DGKB: variants seen among roughly 807,000 people sequenced by gnomAD.
DGKB encodes the protein 90 kDa diacylglycerol kinase.
Under a neutral mutation model 114.3 loss-of-function variants are expected in DGKB, and 67 were observed. The observed-to-expected ratio is 0.59, with a 90% CI of 0.48 to 0.72. DGKB has a LOEUF of 0.72. DGKB is among the 30% of genes least tolerant of loss of function. The pLI is 0.00. For missense variants in DGKB, 907 were observed against 975.2 expected, an observed-to-expected ratio of 0.93 and a Z score of 0.93; for synonymous variants, 398 against 323.1, an observed-to-expected ratio of 1.23 and a Z score of -2.49.
chr7:14,368,789 A>G (rs1248914316), intron 21 of DGKB, among the ~76,000 whole-genome samples: 1 of 152,126 alleles, frequency 6.6e-6, no homozygotes, highest in Non-Finnish European at 1.5e-5. Flanking sequence ...ACGCAAGATA[A>G]TTTATTAGGG....
intron 25 of DGKB, among the ~76,000 whole-genome samples, chr7:14,152,986 A>G (rs7777178): frequency 0.39 from 58,516 of 151,946 alleles, 11,696 homozygotes; most frequent in South Asian, 0.52. Flanking sequence ...ACATATTATC[A>G]GAGAAGAGTG....
chr7:14,879,458 A>C (rs893727589), intron 1 of DGKB, among the ~76,000 whole-genome samples: 10 of 152,324 alleles, frequency 6.6e-5, no homozygotes, highest in Non-Finnish European at 1.0e-4. Flanking sequence ...TGGCTATTTC[A>C]TACGTTATCT....
intron 21 of DGKB, among the ~76,000 whole-genome samples, chr7:14,445,385 T>C (rs139374000): frequency 8.0e-4 from 121 of 152,036 alleles, no homozygotes; most frequent in African/African-American, 2.4e-3. Context: ...CAAAAGTCAA[T>C]TGATATTGAG....
chr7:14,861,712 CAT>C (rs143360686), intron 1 of DGKB, among the ~76,000 whole-genome samples: 2 of 152,028 alleles, frequency 1.3e-5, no homozygotes, highest in East Asian at 3.9e-4. Context: ...GTGATGAAAT[CAT>C]ACTCTATTTA....
chr7:14,957,669 C>A (rs1426800997), intron 1 of DGKB, among the ~76,000 whole-genome samples: 1 of 151,998 alleles, frequency 6.6e-6, no homozygotes, highest in African/African-American at 2.4e-5. Flanking sequence ...ATAAGACTGC[C>A]ACAATGTGTA....
intron 21 of DGKB, among the ~76,000 whole-genome samples, chr7:14,414,842 C>G (rs1825455630): frequency 6.6e-6 from 1 of 152,014 alleles, no homozygotes; most frequent in Non-Finnish European, 1.5e-5. Flanking sequence ...TTCTGACAAG[C>G]TGAGTCATTT....
intron 3 of DGKB, among the ~76,000 whole-genome samples, chr7:14,756,118 CTT>C (rs1208653429): frequency 6.6e-6 from 1 of 151,932 alleles, no homozygotes; most frequent in Non-Finnish European, 1.5e-5. Flanking sequence ...AAAAAGGCTG[CTT>C]TGCAAACAAG....
At chr7:14,164,262 T>TA (rs1784330107) in intron 25 of DGKB, among the ~76,000 whole-genome samples, 1 of 152,148 alleles carries the variant, frequency 6.6e-6, no homozygotes, top group South Asian at 2.1e-4. Flanking sequence ...CCCACTCTGG[T>TA]AAAATAAGCC....
chr7:14,519,919 G>A (rs1286186348), intron 20 of DGKB, among the ~76,000 whole-genome samples: 2 of 151,518 alleles, frequency 1.3e-5, no homozygotes, highest in East Asian at 3.9e-4. Context: ...TATTATTATT[G>A]GAGAGAGATA....
chr7:14,572,249 C>G (rs1278980874), intron 20 of DGKB, among the ~76,000 whole-genome samples: 1 of 151,204 alleles, frequency 6.6e-6, no homozygotes. Flanking sequence ...GTCAGGAGAT[C>G]CAGACCATCC....
At chr7:14,769,436 C>T (rs553299752) in intron 2 of DGKB, among the ~76,000 whole-genome samples, 5 of 151,226 alleles carry the variant, frequency 3.3e-5, no homozygotes, top group African/African-American at 1.2e-4. Context: ...TTCCTTTGAC[C>T]GATGTGCTTA....
At chr7:14,482,370 TG>T (rs1184880961) in intron 20 of DGKB, among the ~76,000 whole-genome samples, 1 of 152,070 alleles carries the variant, frequency 6.6e-6, no homozygotes, top group Admixed American at 6.6e-5. Flanking sequence ...AGGAAATTTT[TG>T]CTTTGGTATT....
chr7:14,836,695 AG>A (rs1239807078), intron 2 of DGKB, among the ~76,000 whole-genome samples: 1 of 152,216 alleles, frequency 6.6e-6, no homozygotes, highest in African/African-American at 2.4e-5. Context: ...CCACATATCA[AG>A]GGAAATGCTT....
At chr7:14,774,468 T>G (rs1172425265) in intron 2 of DGKB, among the ~76,000 whole-genome samples, 2 of 152,210 alleles carry the variant, frequency 1.3e-5, no homozygotes. Context: ...TCTCCTCTTA[T>G]TCACATATTA....
chr7:14,541,286 G>A (rs182112451), intron 20 of DGKB, among the ~76,000 whole-genome samples: 1 of 152,178 alleles, frequency 6.6e-6, no homozygotes. Context: ...CAAACATTAG[G>A]TCAGCTATCA....
intron 21 of DGKB, among the ~76,000 whole-genome samples, chr7:14,443,363 C>A (rs1166309582): frequency 1.3e-5 from 2 of 152,100 alleles, no homozygotes; most frequent in Non-Finnish European, 2.9e-5. Context: ...TTTATACAAG[C>A]TGCTTTTCTT....
chr7:14,974,465 A>C, intron 1 of DGKB, among the ~76,000 whole-genome samples: 1 of 152,104 alleles, frequency 6.6e-6, no homozygotes, highest in East Asian at 1.9e-4. Context: ...AAGTATAAAG[A>C]CTGATTCAAA....
At chr7:14,440,229 A>C (rs1829888981) in intron 21 of DGKB, among the ~76,000 whole-genome samples, 2 of 152,102 alleles carry the variant, frequency 1.3e-5, no homozygotes, top group South Asian at 4.1e-4. Context: ...AATCACAAGA[A>C]ACACTTGTGC....
intron 1 of DGKB, among the ~76,000 whole-genome samples, chr7:14,924,679 T>C (rs915877685): frequency 1.3e-5 from 2 of 152,276 alleles, no homozygotes; most frequent in Non-Finnish European, 2.9e-5. Flanking sequence ...TTCTAGATTG[T>C]TTTGTTTCAA....
Sources: allele counts gnomAD v4.1 joint callset (sites outside exome capture counted in the v4.1 genomes callset), GRCh38; gene constraint gnomAD v4.1.1; transcripts MANE v1.5; gene names NCBI Gene and HGNC (gene_info 2026-07-23, HGNC 2026-07-21).